Variants in SLC4A8 observed in about 807,000 individuals in gnomAD.
SLC4A8 encodes the protein electroneutral sodium bicarbonate exchanger 1.
Under a neutral mutation model 125.0 loss-of-function variants are expected in SLC4A8, and 40 were observed. The observed-to-expected ratio is 0.32, with a 90% confidence interval of 0.25 to 0.42. The LOEUF (loss-of-function observed/expected upper bound fraction) is 0.42, where lower values mean the gene tolerates loss of function less well. Ranked by LOEUF, SLC4A8 falls within the 10% of genes least tolerant of loss-of-function variation. The probability of loss-of-function intolerance (pLI) is 1.00; values close to 1 mark genes in which losing one functional copy is unlikely to be tolerated. For missense variants in SLC4A8, 863 were observed against 1,355.1 expected, an observed-to-expected ratio of 0.64 and a Z score of 5.70; for synonymous variants, 456 against 476.0, an observed-to-expected ratio of 0.96 and a Z score of 0.55.
Position 51,481,035 on chromosome 12 carries a change from G to A in SLC4A8, c.2173-4752G>A, listed in dbSNP as rs1480303525. 4.6e-5 allele frequency among the ~76,000 whole-genome samples: 7 copies of A among 152,208 alleles called. No individual in the cohort carries two copies. The East Asian group carries it at 1.4e-3, about 29-fold the overall frequency. On this transcript the variant is annotated intron_variant, in intron 16 of 24. Transcript: ENST00000453097. ...CTGGGCGTTTTTCTTTAAAACGAATGGGTTAAACTAGATGAGCTCAGAAGT... is the reference window on the plus strand; with the variant it reads ...CTGGGCGTTTTTCTTTAAAACGAATAGGTTAAACTAGATGAGCTCAGAAGT...
chr12:51,415,840 A>C (rs1948675576), intron 1 of SLC4A8, among the ~76,000 whole-genome samples: 1 of 147,482 alleles, frequency 6.8e-6, no homozygotes, highest in African/African-American at 2.5e-5. Flanking sequence ...TAATGGGCCT[A>C]CTAGATGCCC....
chr12:51,478,631 T>G (rs1187182641), intron 16 of SLC4A8, among the ~76,000 whole-genome samples: 1 of 152,228 alleles, frequency 6.6e-6, no homozygotes, highest in African/African-American at 2.4e-5. Flanking sequence ...TCTCTGGAGT[T>G]TGTATTTCAA....
chr12:51,505,338 CATTTCT>C (rs1226928937), intron 23 of SLC4A8, among the ~76,000 whole-genome samples: 39 of 152,296 alleles, frequency 2.6e-4, no homozygotes, highest in African/African-American at 9.1e-4. Flanking sequence ...TGAGAGCTTT[CATTTCT>C]GCACCTTCAA....
intron 23 of SLC4A8, among the ~76,000 whole-genome samples, chr12:51,505,387 T>G (rs891910727): frequency 1.2e-4 from 19 of 152,220 alleles, no homozygotes; most frequent in African/African-American, 4.3e-4. Context: ...GTTGCTATGA[T>G]AGTTAAGATA....
At chr12:51,479,081 TC>T (rs1462991927) in intron 16 of SLC4A8, among the ~76,000 whole-genome samples, 7 of 152,222 alleles carry the variant, frequency 4.6e-5, no homozygotes, top group Non-Finnish European at 8.8e-5. Flanking sequence ...CCCTGCCTTC[TC>T]TTCTCTGACA....
rs982600615 is a variant in SLC4A8, at chr12:51,510,506, G to A, written c.*3068G>A. Reference sequence around the variant, plus strand: ...TGCATGAATGATATATCAATTTGAAGTTTCTCGACCTTTCCATCAAGGATC... The same window carrying A: ...TGCATGAATGATATATCAATTTGAAATTTCTCGACCTTTCCATCAAGGATC... On this transcript the variant is annotated 3_prime_UTR_variant, in exon 25 of 25. Transcript: ENST00000453097. The A allele has an allele frequency of 2.0e-5, 3 of 151,494 alleles. No individual in the cohort carries two copies. The highest frequency in any genetic ancestry group is 2.1e-4 in the South Asian group (1 of 4,814). 9.4% of individuals were successfully genotyped at this position (151,494 alleles called of 1,614,324 possible).
chr12:51,490,891 GCAGA>G (rs1951297376), intron 19 of SLC4A8, among the ~76,000 whole-genome samples: 1 of 152,200 alleles, frequency 6.6e-6, no homozygotes, highest in South Asian at 2.1e-4. Flanking sequence ...AAGAATAGAA[GCAGA>G]CAGACCAGTG....
At chr12:51,392,580 AAAAAAAG>A (rs1203185218) in intron 1 of SLC4A8, among the ~76,000 whole-genome samples, 10 of 150,974 alleles carry the variant, frequency 6.6e-5, no homozygotes, top group African/African-American at 1.2e-4. Context: ...TCAAAAAAAA[AAAAAAAG>A]AAAAAAAGAA....
intron 5 of SLC4A8, 22 bp downstream of exon 5, chr12:51,453,721 C>A: frequency 6.3e-7 from 1 of 1,599,782 alleles, no homozygotes; most frequent in Non-Finnish European, 8.5e-7. Flanking sequence ...GAAGGGAAAA[C>A]AGAGCAACTT....
intron 11 of SLC4A8, among the ~76,000 whole-genome samples, chr12:51,465,409 A>G (rs1036536804): frequency 2.0e-5 from 3 of 152,176 alleles, no homozygotes; most frequent in Non-Finnish European, 4.4e-5. Flanking sequence ...GGTCACTTAT[A>G]ATCAATTCCA....
Position 51,474,998 on chromosome 12 carries a change from AT to A in SLC4A8, c.2011-44del, listed in dbSNP as rs769389773. 3 of 1,556,492 alleles carry A rather than the reference AT, an allele frequency of 1.9e-6. No homozygotes were observed. The African/African-American group carries it at 4.1e-5, about 21-fold the overall frequency. ...TGGACTCAGTAGGAAACAGCTATTT[AT>A]TTGGTTGTGTCTGCCTTTCATCACC... On this transcript the variant is annotated intron_variant, in intron 15 of 24. Transcript: ENST00000453097.
intron 16 of SLC4A8, among the ~76,000 whole-genome samples, chr12:51,484,053 A>G (rs779077507): frequency 5.3e-5 from 8 of 152,142 alleles, no homozygotes; most frequent in Non-Finnish European, 1.0e-4. Flanking sequence ...TCATGTCCCT[A>G]CAAAGGACAT....
At chr12:51,422,294 T>C (rs1251804089), upstream of SLC4A8, 1 of 152,250 alleles carries the variant, frequency 6.6e-6, no homozygotes, top group Admixed American at 6.5e-5. Context: ...AGCGTCCTGC[T>C]TTTTATCATT....
At chr12:51,499,025 CA>C (rs1937713686) in intron 22 of SLC4A8, among the ~76,000 whole-genome samples, 1 of 148,440 alleles carries the variant, frequency 6.7e-6, no homozygotes, top group Admixed American at 6.7e-5. Context: ...ACTAAAAATA[CA>C]AAAAAGTAGC....
At position 51,398,488 on chromosome 12, in the gene SLC4A8, A is replaced by G. The variant is rs567258363; in HGVS notation, c.-112+7000A>G. 2.0e-5 allele frequency among the ~76,000 whole-genome samples: 3 copies of G among 152,366 alleles called. No homozygotes were observed. In the South Asian group the frequency reaches 6.2e-4, roughly 32 times the overall value. ...AGAAATTTCACAACTGCAATGAATA[A>G]AACATCCAAATGCTTGTAAGATTTT... On this transcript the variant is annotated intron_variant, in intron 1 of 24. Transcript: ENST00000358657.
chr12:51,495,400 A>G (rs1951433811), intron 21 of SLC4A8, among the ~76,000 whole-genome samples: 1 of 151,246 alleles, frequency 6.6e-6, no homozygotes, highest in African/African-American at 2.4e-5. Flanking sequence ...TATTCTAGGT[A>G]CGTCATATAA....
intron 22 of SLC4A8, among the ~76,000 whole-genome samples, chr12:51,500,574 T>G (rs1409146089): frequency 6.6e-6 from 1 of 152,138 alleles, no homozygotes; most frequent in Non-Finnish European, 1.5e-5. Flanking sequence ...ATCTCATACT[T>G]AATTTAAATA....
intron 1 of SLC4A8, among the ~76,000 whole-genome samples, chr12:51,403,729 G>A (rs993719677): frequency 5.9e-5 from 9 of 152,208 alleles, no homozygotes; most frequent in East Asian, 3.8e-4. Flanking sequence ...TTTAACACCC[G>A]GCAATAATTC....
Position 51,450,887 on chromosome 12 carries a change from C to G in SLC4A8, c.142C>G (p.Leu48Val). The G allele has an allele frequency of 6.2e-7, 1 of 1,613,446 alleles. No homozygotes were observed. Among genetic ancestry groups the G allele is most frequent in the Non-Finnish European group, 8.5e-7 (1 of 1,179,710 alleles). The change falls in exon 3 of 25, where the codon CTG becomes GTG. Residue 48 changes from leucine (L) to valine (V), a missense_variant. Physicochemically the swap from Leu to Val is conservative, Grantham distance 32. Around this residue, in one of 6 missense-constraint regions of SLC4A8, gnomAD observed 104 missense variants for 116.4 expected, o/e 0.89. Coordinates refer to ENST00000453097, the MANE Select transcript of SLC4A8 (RefSeq NM_001039960.3). ...EKEELEGHRT[L>V]YVGVRMPLGR... ...CTGCTTCTTTCCAGGTCACAGAACT[C>G]TGTATGTGGGAGTTCGGATGCCGCT...
Sources: gnomAD v4.1 joint callset for allele counts (sites outside exome capture counted in the v4.1 genomes callset) on GRCh38, gnomAD v4.1.1 for gene constraint, gnomAD v4.1.1 regional missense constraint, MANE v1.5 for transcripts, NCBI Gene and HGNC (gene_info 2026-07-23, HGNC 2026-07-21) for gene names.